Variants in ENO4 observed in about 807,000 individuals in gnomAD.
ENO4 encodes enolase 4, also known as 2-phospho-D-glycerate hydro-lyase.
A neutral mutation model predicts 63.2 loss-of-function variants in ENO4; 53 were observed. The ratio of observed to expected loss-of-function variants is 0.84; its 90% confidence interval spans 0.67 to 1.05. The LOEUF (loss-of-function observed/expected upper bound fraction) is 1.05. ENO4 is among the 50% of genes least tolerant of loss of function. ENO4 has a pLI of 0.00. For synonymous variants in ENO4, 266 were observed against 283.8 expected, an observed-to-expected ratio of 0.94 and a Z score of 0.63; for missense variants, 719 against 772.0, an observed-to-expected ratio of 0.93 and a Z score of 0.81.
chr10:116,879,873 T>C lies in ENO4; in HGVS notation c.1610T>C (p.Val537Ala), dbSNP rs1273995111. ...TAGTTTTTTCCCCCCTTTCAGGCTGTTGGGCTTGGTGTCCGGTTCATCAAG... is the reference window on the plus strand; with the variant it reads ...TAGTTTTTTCCCCCCTTTCAGGCTGCTGGGCTTGGTGTCCGGTTCATCAAG... ...SSDDSLVDLAVGLGVRFIKLG... is the reference protein window; with the variant it reads ...SSDDSLVDLAAGLGVRFIKLG... The change falls in exon 13 of 14, where the codon GTT becomes GCT. Residue 537 changes from valine to alanine, a missense_variant. By Grantham distance (64) the Val-to-Ala change is moderately conservative. This residue lies in a region of ENO4 where 168 missense variants were observed against 163.3 expected (regional missense o/e 1.03). Transcript: ENST00000341276. The C allele has an allele frequency of 6.5e-7, 1 of 1,549,964 alleles. No homozygotes were observed. The highest frequency in any genetic ancestry group is 8.7e-7 in the Non-Finnish European group (1 of 1,146,804).
Position 116,855,662 on chromosome 10 carries a change from T to A in ENO4, c.205T>A (p.Cys69Ser). Residue 69 changes from cysteine (C) to serine (S), a missense_variant, in exon 2 of 14, where the codon TGC becomes AGC. Physicochemically the swap from Cys to Ser is moderately radical, Grantham distance 112. This residue lies in a region of ENO4 where 544 missense variants were observed against 583.6 expected (regional missense o/e 0.93). Coordinates refer to ENST00000341276, the MANE Select transcript of ENO4 (RefSeq NM_001242699.2). ...FSKLAKPPTICKIVGKDVLDG... is the reference protein window; with the variant it reads ...FSKLAKPPTISKIVGKDVLDG... ...TAAACTTGCAAAGCCTCCCACCATA[T>A]GCAAAATAGTGGGGAAAGACGTACT... The A allele has an allele frequency of 6.5e-7, 1 of 1,536,386 alleles. No homozygotes were observed. The highest frequency in any genetic ancestry group is 8.7e-7 in the Non-Finnish European group (1 of 1,146,962).
At chr10:116,888,456 G>A (rs533940575) in intron 10 of ENO4, among the ~76,000 whole-genome samples, 11 of 152,328 alleles carry the variant, frequency 7.2e-5, no homozygotes, top group Non-Finnish European at 1.3e-4. Flanking sequence ...CTGCTTCTGC[G>A]TCTGACACTG....
chr10:116,906,110 A>C (rs556230969), intron 10 of ENO4, among the ~76,000 whole-genome samples: 1 of 152,386 alleles, frequency 6.6e-6, no homozygotes, highest in South Asian at 2.1e-4. Flanking sequence ...CTACTAAATG[A>C]GTGCTCATTT....
chr10:116,873,985 A>C, intron 9 of ENO4, 91 bp from the exon 10 acceptor site: 1 of 1,411,440 alleles, frequency 7.1e-7, no homozygotes, highest in South Asian at 1.5e-5. Context: ...CTCTTATATA[A>C]AATGAACGAA....
At chr10:116,894,596 G>A (rs1053258876) in intron 10 of ENO4, among the ~76,000 whole-genome samples, 1 of 152,150 alleles carries the variant, frequency 6.6e-6, no homozygotes, top group Non-Finnish European at 1.5e-5. Context: ...AGCTATGAAA[G>A]CACTGCAAAC....
chr10:116,887,409 C>T (rs2133296372), downstream of ENO4, among the ~76,000 whole-genome samples: 1 of 152,246 alleles, frequency 6.6e-6, no homozygotes, highest in South Asian at 2.1e-4. Context: ...AGGGCTGGGG[C>T]TTTCGGACTT....
intron 7 of ENO4, among the ~76,000 whole-genome samples, chr10:116,867,637 G>A (rs998293794): frequency 6.6e-6 from 1 of 152,116 alleles, no homozygotes; most frequent in Non-Finnish European, 1.5e-5. Flanking sequence ...CTTCCATTAT[G>A]TAACAGCTTA....
intron 11 of ENO4, among the ~76,000 whole-genome samples, chr10:116,878,056 T>C (rs1438820846): frequency 6.6e-6 from 1 of 152,190 alleles, no homozygotes; most frequent in Non-Finnish European, 1.5e-5. Flanking sequence ...CCCTAACTGG[T>C]TCAGTTCTGA....
At chr10:116,899,777 A>G (rs1847666217) in intron 10 of ENO4, among the ~76,000 whole-genome samples, 1 of 152,214 alleles carries the variant, frequency 6.6e-6, no homozygotes, top group Admixed American at 6.5e-5. Context: ...ACCCGACTTC[A>G]AAGTGCTTTG....
intron 10 of ENO4, among the ~76,000 whole-genome samples, chr10:116,888,504 G>A (rs1391711290): frequency 1.3e-5 from 2 of 152,200 alleles, no homozygotes; most frequent in Non-Finnish European, 2.9e-5. Flanking sequence ...GGGAGGGAAG[G>A]CGGCTGTAAA....
intron 9 of ENO4, among the ~76,000 whole-genome samples, chr10:116,872,721 G>A (rs1455990743): frequency 6.6e-6 from 1 of 152,168 alleles, no homozygotes; most frequent in Non-Finnish European, 1.5e-5. Flanking sequence ...TACATTTTAT[G>A]AAATGCCCAG....
intron 11 of ENO4, among the ~76,000 whole-genome samples, chr10:116,876,776 C>G (rs554427052): frequency 1.4e-4 from 22 of 152,110 alleles, no homozygotes; most frequent in African/African-American, 5.1e-4. Context: ...CGGTGAAACC[C>G]CCATCTCTAG....
At chr10:116,861,959 A>G (rs1031166397) in intron 6 of ENO4, among the ~76,000 whole-genome samples, 3 of 152,212 alleles carry the variant, frequency 2.0e-5, no homozygotes, top group Admixed American at 6.5e-5. Context: ...GATCGTATTC[A>G]GATCCTGGTG....
chr10:116,911,690 G>A lies in ENO4; in HGVS notation c.*118G>A, dbSNP rs977044386. On this transcript the variant is annotated 3_prime_UTR_variant, in exon 11 of 11. Transcript: ENST00000369207. ...CCAAAGATGAGGCTAATTGTAAATG[G>A]GAATAAAACACACCACAAACAATTC... The A allele has an allele frequency of 2.6e-5, 41 of 1,578,026 alleles. No individual in the cohort carries two copies. The East Asian group carries it at 9.2e-4, about 35-fold the overall frequency.
At chr10:116,877,523 T>G (rs1312358470) in intron 11 of ENO4, among the ~76,000 whole-genome samples, 1 of 152,272 alleles carries the variant, frequency 6.6e-6, no homozygotes, top group East Asian at 1.9e-4. Context: ...AGAAGCAGTT[T>G]TCTGTCAGTA....
At chr10:116,857,497 T>A (rs1158707382) in intron 3 of ENO4, among the ~76,000 whole-genome samples, 1 of 152,216 alleles carries the variant, frequency 6.6e-6, no homozygotes, top group Admixed American at 6.5e-5. Context: ...TAGAATCATT[T>A]TCCTGTTTGT....
intron 11 of ENO4, among the ~76,000 whole-genome samples, chr10:116,878,742 C>CTTTT (rs10635577): frequency 0.14 from 16,346 of 114,254 alleles, 2,270 homozygotes; most frequent in South Asian, 0.24. Context: ...AATCATATAT[C>CTTTT]TTTTTTTTTT....
At chr10:116,911,484 C>G in intron 10 of ENO4, 1 of 1,550,392 alleles carries the variant, frequency 6.4e-7, no homozygotes. Flanking sequence ...TGTACGGACC[C>G]TTACATATGG....
At chr10:116,850,581 G>T (rs1325162324) in intron 1 of ENO4, among the ~76,000 whole-genome samples, 1 of 151,970 alleles carries the variant, frequency 6.6e-6, no homozygotes, top group Admixed American at 6.6e-5. Context: ...GAGGCAATGT[G>T]AACACCAAGC....
Sources: gnomAD v4.1 joint callset for allele counts (sites outside exome capture counted in the v4.1 genomes callset) on GRCh38, gnomAD v4.1.1 for gene constraint, gnomAD v4.1.1 regional missense constraint, MANE v1.5 for transcripts, NCBI Gene and HGNC (gene_info 2026-07-23, HGNC 2026-07-21) for gene names.